Variants in MGA observed in about 807,000 individuals in gnomAD.
MGA encodes the protein MAX gene-associated protein.
Under a neutral mutation model 261.1 loss-of-function variants are expected in MGA, and 40 were observed. That is an observed-to-expected ratio of 0.15 (90% CI 0.12 to 0.20). The LOEUF (loss-of-function observed/expected upper bound fraction) is 0.20. MGA is among the 10% of genes least tolerant of loss of function. The pLI is 1.00. For synonymous variants in MGA, 1,302 were observed against 1,290.6 expected, an observed-to-expected ratio of 1.01 and a Z score of -0.19; for missense variants, 3,397 against 3,630.5, an observed-to-expected ratio of 0.94 and a Z score of 1.65.
chr15:41,733,232 C>T (rs576835053), intron 11 of MGA, among the ~76,000 whole-genome samples: 2 of 152,250 alleles, frequency 1.3e-5, no homozygotes, highest in African/African-American at 2.4e-5. Flanking sequence ...TGCTGGATTA[C>T]AGGCGTGAGC....
chr15:41,765,269 C>A (rs1452135108), intron 23 of MGA, among the ~76,000 whole-genome samples: 5 of 152,098 alleles, frequency 3.3e-5, no homozygotes, highest in African/African-American at 1.2e-4. Context: ...TATTGGGAAC[C>A]ATTTTGTGAA....
At chr15:41,736,734 G>A (rs1182703995) in intron 13 of MGA, 36 bp downstream of exon 13, 5 of 1,530,186 alleles carry the variant, frequency 3.3e-6, no homozygotes, top group Non-Finnish European at 4.4e-6. Flanking sequence ...TAGCACCTTT[G>A]TATACACCTA....
intron 9 of MGA, 112 bp from the exon 10 acceptor site, chr15:41,727,068 T>C (rs540407778): frequency 1.3e-6 from 1 of 745,786 alleles, no homozygotes; most frequent in Non-Finnish European, 2.1e-6. Context: ...TATTTGATTA[T>C]TTTAACGAGT....
chr15:41,701,546 G>A (rs190739288), intron 5 of MGA, among the ~76,000 whole-genome samples: 52 of 152,260 alleles, frequency 3.4e-4, no homozygotes, highest in Admixed American at 1.4e-3. Flanking sequence ...AGTGAAATTA[G>A]CCTGAATTTG....
At chr15:41,725,851 AAAAAATAAATAAAT>A (rs1249997380) in intron 9 of MGA, among the ~76,000 whole-genome samples, 2 of 7,106 alleles carry the variant, frequency 2.8e-4, no homozygotes, top group African/African-American at 5.0e-4. Context: ...AAAAAAAAAA[AAAAAATAAATAAAT>A]AAATAAATAA....
At chr15:41,632,623 C>A (rs1459613361) in intron 1 of MGA, among the ~76,000 whole-genome samples, 1 of 152,152 alleles carries the variant, frequency 6.6e-6, no homozygotes, top group African/African-American at 2.4e-5. Flanking sequence ...TTTTCCCTTG[C>A]CCTCCAACCT....
At chr15:41,673,408 G>A (rs2058183082) in intron 2 of MGA, among the ~76,000 whole-genome samples, 1 of 151,480 alleles carries the variant, frequency 6.6e-6, no homozygotes. Context: ...AGTAGAGATG[G>A]CGTTTCACCA....
intron 11 of MGA, among the ~76,000 whole-genome samples, chr15:41,733,103 C>T (rs1274921297): frequency 2.0e-5 from 3 of 152,226 alleles, no homozygotes; most frequent in East Asian, 1.9e-4. Context: ...GCATTACGGG[C>T]GGGTGCCACC....
intron 1 of MGA, among the ~76,000 whole-genome samples, chr15:41,663,264 C>T (rs2057522112): frequency 6.6e-6 from 1 of 151,908 alleles, no homozygotes; most frequent in African/African-American, 2.4e-5. Context: ...TTCCCCTCCA[C>T]AACTTATTTT....
intron 9 of MGA, among the ~76,000 whole-genome samples, chr15:41,725,441 G>C (rs985889363): frequency 6.6e-6 from 1 of 151,958 alleles, no homozygotes; most frequent in African/African-American, 2.4e-5. Context: ...TAGCTACTTG[G>C]GAGCCTGAGG....
chr15:41,699,244 A>C (rs2151331744), intron 5 of MGA, 85 bp downstream of exon 5: 52 of 872,574 alleles, frequency 6.0e-5, no homozygotes, highest in Non-Finnish European at 8.4e-5. Flanking sequence ...TCTCTTTCTC[A>C]TCTCTTTTTT....
chr15:41,669,746 T>C lies in MGA; in HGVS notation c.852T>C (p.Ile284=), dbSNP rs202054927. ...GCTCTGACCAAGAAGGGAATAATAT[T>C]TCCAGTTCTTCTGGTCATCGGGTCC... The change falls in exon 2 of 24, where the codon ATT becomes ATC. Residue 284 remains isoleucine (I), a synonymous_variant. Transcript: ENST00000219905. 3.9e-4 allele frequency: 633 copies of C among 1,613,818 alleles called. No individual in the cohort carries two copies. The highest frequency in any genetic ancestry group is 5.2e-4 in the Non-Finnish European group (616 of 1,179,790).
At position 41,767,649 on chromosome 15, in the gene MGA, C is replaced by T; in HGVS notation, c.*369C>T. ...AGAGCTGTTTGCAACTTTGGAGTTG[C>T]TGTAGACTGAACTGTAGCTTGTAGC... On this transcript the variant is annotated 3_prime_UTR_variant, in exon 24 of 24. Transcript: ENST00000219905. 1 of 239,952 alleles carries T rather than the reference C, an allele frequency of 4.2e-6. No homozygotes were observed. The highest frequency in any genetic ancestry group is 8.8e-5 in the East Asian group (1 of 11,304). The allele number at this position is 239,952 out of a possible 1,614,324, so 14.9% of individuals were successfully genotyped here.
At chr15:41,665,483 C>T (rs1385356203) in intron 1 of MGA, among the ~76,000 whole-genome samples, 2 of 151,828 alleles carry the variant, frequency 1.3e-5, no homozygotes. Flanking sequence ...GCCTCCCCAC[C>T]CCCAGGCTCG....
intron 1 of MGA, among the ~76,000 whole-genome samples, chr15:41,625,824 A>G (rs143239448): frequency 1.4e-3 from 220 of 152,348 alleles, no homozygotes; most frequent in African/African-American, 5.0e-3. Flanking sequence ...AAAGCATGTG[A>G]TAAGTGAACA....
At position 41,723,283 on chromosome 15, in the gene MGA, G is replaced by C. The variant is rs77945123; in HGVS notation, c.3431-3897G>C. On this transcript the variant is annotated intron_variant, in intron 9 of 23. Coordinates refer to ENST00000219905, the MANE Select transcript of MGA (RefSeq NM_001164273.2). ...CCCAGGCTGTATAAAGGAATCAAGT[G>C]AACAGTGGGCCAGTGAGTGTGAGGG... is the stretch of plus-strand genomic sequence containing the variant. Among the ~76,000 whole-genome samples the C allele has an allele frequency of 4.5e-3, 690 of 152,268 alleles. 2 individuals are homozygous for C. Among genetic ancestry groups the C allele is most frequent in the Non-Finnish European group, 7.6e-3 (516 of 68,014 alleles).
At chr15:41,744,874 G>T (rs2062350470) in intron 15 of MGA, among the ~76,000 whole-genome samples, 3 of 147,618 alleles carry the variant, frequency 2.0e-5, no homozygotes, top group Non-Finnish European at 4.6e-5. Context: ...ATGTGTGTGT[G>T]TTTGTTTATT....
At chr15:41,721,109 C>T (rs1595863735) in intron 9 of MGA, among the ~76,000 whole-genome samples, 1 of 152,226 alleles carries the variant, frequency 6.6e-6, no homozygotes, top group East Asian at 1.9e-4. Flanking sequence ...GAAAAAATTT[C>T]TTAAACATGA....
chr15:41,670,545 G>A (rs1380207133), intron 2 of MGA, among the ~76,000 whole-genome samples: 1 of 152,060 alleles, frequency 6.6e-6, no homozygotes, highest in Admixed American at 6.6e-5. Context: ...TCGCTCTGTC[G>A]CCCAGGCTGG....
Sources: gnomAD v4.1 joint callset for allele counts (sites outside exome capture counted in the v4.1 genomes callset) on GRCh38, gnomAD v4.1.1 for gene constraint, MANE v1.5 for transcripts, NCBI Gene and HGNC (gene_info 2026-07-23, HGNC 2026-07-21) for gene names.